Variants in FLRT2 observed in about 807,000 individuals in gnomAD.
FLRT2 encodes the protein fibronectin leucine rich transmembrane protein 2, also known as leucine-rich repeat transmembrane protein FLRT2.
In FLRT2, 15 loss-of-function variants were observed where a neutral mutation model predicts 40.0. The observed-to-expected ratio is 0.38, with a 90% CI of 0.25 to 0.58. The LOEUF (loss-of-function observed/expected upper bound fraction) is 0.58. FLRT2 is among the 20% of genes least tolerant of loss of function. FLRT2 has a pLI of 0.71. For missense variants in FLRT2, 726 were observed against 840.0 expected, an observed-to-expected ratio of 0.86 and a Z score of 1.68; for synonymous variants, 380 against 336.8, an observed-to-expected ratio of 1.13 and a Z score of -1.41.
chr14:85,538,295 G>A (rs1478321944), intron 1 of FLRT2, among the ~76,000 whole-genome samples: 1 of 152,122 alleles, frequency 6.6e-6, no homozygotes, highest in East Asian at 1.9e-4. Context: ...AAAAGGACAC[G>A]TTGATGATTC....
intron 1 of FLRT2, among the ~76,000 whole-genome samples, chr14:85,585,266 G>A (rs1445354195): frequency 6.6e-6 from 1 of 152,234 alleles, no homozygotes; most frequent in Admixed American, 6.5e-5. Context: ...CTGCCCTCAG[G>A]GTTGAAAGGT....
chr14:85,546,663 A>G (rs752343591), intron 1 of FLRT2, among the ~76,000 whole-genome samples: 3 of 152,214 alleles, frequency 2.0e-5, no homozygotes, highest in Admixed American at 6.5e-5. Context: ...ATCAGGCCCT[A>G]TAAAGGAAAC....
At chr14:85,600,278 G>A (rs1189426625) in intron 1 of FLRT2, among the ~76,000 whole-genome samples, 3 of 152,208 alleles carry the variant, frequency 2.0e-5, no homozygotes, top group African/African-American at 7.2e-5. Flanking sequence ...CCAGATGGAC[G>A]TGTGTGGCTG....
chr14:85,531,851 C>T (rs1888301257), intron 1 of FLRT2, among the ~76,000 whole-genome samples: 1 of 152,182 alleles, frequency 6.6e-6, no homozygotes, highest in African/African-American at 2.4e-5. Context: ...CGCGCACGAA[C>T]CGGGTAGTGT....
At position 85,631,734 on chromosome 14, in the gene FLRT2, G is replaced by A. The variant is rs989812445; in HGVS notation, c.*8237G>A. 3 of 152,198 alleles carry A rather than the reference G, an allele frequency of 2.0e-5. No homozygotes were observed. The highest frequency in any genetic ancestry group is 4.4e-5 in the Non-Finnish European group (3 of 68,024). 9.4% of individuals were successfully genotyped at this position (152,198 alleles called of 1,614,324 possible). A position where few individuals can be genotyped will look rare whatever the true frequency, so the allele number is the denominator to read the frequency against. ...ATGATTATTTGGTGGCCATGCATCTGATTTGAAAGCTTTAGATGGAATCAG... is the reference window on the plus strand; with the variant it reads ...ATGATTATTTGGTGGCCATGCATCTAATTTGAAAGCTTTAGATGGAATCAG... On this transcript the variant is annotated 3_prime_UTR_variant, in exon 2 of 2. Coordinates refer to ENST00000330753, the MANE Select transcript of FLRT2 (RefSeq NM_013231.6).
chr14:85,533,639 G>A (rs1339312641), intron 1 of FLRT2, among the ~76,000 whole-genome samples: 2 of 152,164 alleles, frequency 1.3e-5, no homozygotes, highest in South Asian at 2.1e-4. Flanking sequence ...GAGAAGGCGG[G>A]GGTCGCGGCG....
chr14:85,548,907 G>A (rs1307817201), intron 1 of FLRT2, among the ~76,000 whole-genome samples: 5 of 152,136 alleles, frequency 3.3e-5, no homozygotes, highest in Non-Finnish European at 7.4e-5. Flanking sequence ...GGCCCCACCA[G>A]CAGAGCAGCA....
chr14:85,589,703 T>C (rs1298158682), intron 1 of FLRT2, among the ~76,000 whole-genome samples: 4 of 152,136 alleles, frequency 2.6e-5, no homozygotes, highest in Admixed American at 1.3e-4. Context: ...GTCCTGGAGA[T>C]TTTCCCCTAG....
chr14:85,653,358 T>A lies in FLRT2; in HGVS notation c.*29861T>A, dbSNP rs2139413767. The A allele has an allele frequency of 6.6e-6, 1 of 152,262 alleles. No individual in the cohort carries two copies. The highest frequency in any genetic ancestry group is 1.9e-4 in the East Asian group (1 of 5,170). 9.4% of individuals were successfully genotyped at this position (152,262 alleles called of 1,614,324 possible). On this transcript the variant is annotated 3_prime_UTR_variant, in exon 2 of 2. Transcript: ENST00000330753. ...CATCAATGGGATGCAATTTGGCTAG[T>A]CACACCTGGGTGACCAATATCCGGA...
At chr14:85,592,801 A>AAAG (rs1891957098) in intron 1 of FLRT2, among the ~76,000 whole-genome samples, 1 of 79,356 alleles carries the variant, frequency 1.3e-5, no homozygotes, top group Non-Finnish European at 2.6e-5. Flanking sequence ...AAAAAAAAAA[A>AAAG]AAAAAAGAAA....
intron 1 of FLRT2, 108 bp downstream of exon 1, chr14:85,530,642 G>C (rs1044612694): frequency 6.6e-6 from 1 of 152,550 alleles, no homozygotes. Flanking sequence ...GAAAGAGCTG[G>C]GGGTGGTCAT....
intron 1 of FLRT2, among the ~76,000 whole-genome samples, chr14:85,555,447 A>G (rs1889888129): frequency 6.6e-6 from 1 of 152,158 alleles, no homozygotes; most frequent in East Asian, 1.9e-4. Flanking sequence ...GGCAGCAGAC[A>G]AGAGAGAATG....
At position 85,625,061 on chromosome 14, in the gene FLRT2, G is replaced by C. The variant is rs1007595626; in HGVS notation, c.*1564G>C. ...CTGGCAGAGCAGGGCGTAGAAAAGA[G>C]AGGATGTCCGTGCTTAATTCTAGAT... On this transcript the variant is annotated 3_prime_UTR_variant, in exon 2 of 2. Coordinates refer to ENST00000330753, the MANE Select transcript of FLRT2 (RefSeq NM_013231.6). 6 of 167,042 alleles carry C rather than the reference G, an allele frequency of 3.6e-5. No individual in the cohort carries two copies. Among genetic ancestry groups the C allele is most frequent in the Admixed American group, 3.3e-4 (5 of 15,284 alleles). 10.3% of individuals were successfully genotyped at this position (167,042 alleles called of 1,614,324 possible). A position where few individuals can be genotyped will look rare whatever the true frequency, so the allele number is the denominator to read the frequency against.
At chr14:85,579,120 T>C (rs755801315) in intron 1 of FLRT2, among the ~76,000 whole-genome samples, 4 of 152,118 alleles carry the variant, frequency 2.6e-5, no homozygotes, top group Admixed American at 2.6e-4. Context: ...GCCAGCCCTG[T>C]TGGACTTTTG....
rs542520178 is a variant in FLRT2 at position 85,634,358 on chromosome 14, T to C, written c.*10861T>C. 2 of 152,354 alleles carry C rather than the reference T, an allele frequency of 1.3e-5. No homozygotes were observed. Among genetic ancestry groups the C allele is most frequent in the South Asian group, 2.1e-4 (1 of 4,830 alleles). The allele number at this position is 152,354 out of a possible 1,614,324, so 9.4% of individuals were successfully genotyped here. ...CTGCCAATCTCTATTCTGTTTGGAC[T>C]AGTGTCTGTTTTGACTGGTAGGCCT... On this transcript the variant is annotated 3_prime_UTR_variant, in exon 2 of 2. Transcript: ENST00000330753.
chr14:85,645,334 A>G lies in FLRT2; in HGVS notation c.*21837A>G, dbSNP rs1894272135. On this transcript the variant is annotated 3_prime_UTR_variant, in exon 2 of 2. Transcript: ENST00000330753. ...TATACACATATAAATGTGTGCGTGT[A>G]TATATATATGATTGGCTGAGTGCTC... is the stretch of plus-strand genomic sequence containing the variant. 6.6e-6 allele frequency: 1 copy of G among 151,836 alleles called. No homozygotes were observed. The highest frequency in any genetic ancestry group is 1.5e-5 in the Non-Finnish European group (1 of 67,960). 9.4% of individuals were successfully genotyped at this position (151,836 alleles called of 1,614,324 possible).
At position 85,639,598 on chromosome 14, in the gene FLRT2, TTC is replaced by T. The variant is rs1333500448; in HGVS notation, c.*16106_*16107del. 1 of 152,220 alleles carries T rather than the reference TTC, an allele frequency of 6.6e-6. No individual in the cohort carries two copies. Among genetic ancestry groups the T allele is most frequent in the African/African-American group, 2.4e-5 (1 of 41,472 alleles). The allele number at this position is 152,220 out of a possible 1,614,324, so 9.4% of individuals were successfully genotyped here. A position where few individuals can be genotyped will look rare whatever the true frequency, so the allele number is the denominator to read the frequency against. ...AATCTTCTTGTATAGCTGCTGAATT[TTC>T]TCTCATGAGTTTGGCTAAAATTAGA... On this transcript the variant is annotated 3_prime_UTR_variant, in exon 2 of 2. Coordinates refer to ENST00000330753, the MANE Select transcript of FLRT2 (RefSeq NM_013231.6).
intron 1 of FLRT2, among the ~76,000 whole-genome samples, chr14:85,594,440 C>G (rs1272019686): frequency 7.9e-5 from 12 of 152,164 alleles, no homozygotes; most frequent in Non-Finnish European, 1.5e-5. Flanking sequence ...GCCGCTCCCT[C>G]ATACCTGTAA....
At chr14:85,589,850 C>T (rs1017333981) in intron 1 of FLRT2, among the ~76,000 whole-genome samples, 5 of 152,004 alleles carry the variant, frequency 3.3e-5, no homozygotes, top group African/African-American at 1.2e-4. Context: ...TTCCTGGTAC[C>T]ATTTATTGAA....
Sources: gnomAD v4.1 joint callset for allele counts (sites outside exome capture counted in the v4.1 genomes callset) on GRCh38, gnomAD v4.1.1 for gene constraint, MANE v1.5 for transcripts, NCBI Gene and HGNC (gene_info 2026-07-23, HGNC 2026-07-21) for gene names.